Variants in PRKG1 observed in about 807,000 individuals in gnomAD.
The protein encoded by PRKG1 is cGMP-dependent protein kinase 1.
In PRKG1, 35 loss-of-function variants were observed where a neutral mutation model predicts 88.1. The ratio of observed to expected loss-of-function variants is 0.40; its 90% CI spans 0.30 to 0.53. The LOEUF is 0.53. Ranked by LOEUF, PRKG1 falls within the 20% of genes least tolerant of loss-of-function variation. The pLI is 0.59. For synonymous variants in PRKG1, 303 were observed against 292.5 expected, an observed-to-expected ratio of 1.04 and a Z score of -0.37; for missense variants, 540 against 839.8, an observed-to-expected ratio of 0.64 and a Z score of 4.41.
chr10:51,092,916 T>C (rs1844433265), intron 1 of PRKG1, among the ~76,000 whole-genome samples: 1 of 152,136 alleles, frequency 6.6e-6, no homozygotes, highest in African/African-American at 2.4e-5. Flanking sequence ...AATAACTAGG[T>C]ATAAAGCAAT....
At chr10:51,182,011 A>G (rs1837360306) in intron 2 of PRKG1, among the ~76,000 whole-genome samples, 1 of 152,200 alleles carries the variant, frequency 6.6e-6, no homozygotes, top group Non-Finnish European at 1.5e-5. Context: ...TGTAATTCCA[A>G]TCCACCTTTG....
intron 1 of PRKG1, among the ~76,000 whole-genome samples, chr10:51,088,455 A>G (rs1480873661): frequency 1.3e-5 from 2 of 151,394 alleles, no homozygotes; most frequent in African/African-American, 4.9e-5. Flanking sequence ...ATATAGGGTA[A>G]GACTATAGTA....
chr10:52,176,988 C>T (rs756787286), intron 9 of PRKG1, among the ~76,000 whole-genome samples: 2 of 152,056 alleles, frequency 1.3e-5, no homozygotes, highest in African/African-American at 2.4e-5. Flanking sequence ...TTCCTCCTTT[C>T]CAGTTTGGAT....
At chr10:52,106,091 T>A (rs921959878) in intron 7 of PRKG1, among the ~76,000 whole-genome samples, 4 of 152,106 alleles carry the variant, frequency 2.6e-5, no homozygotes, top group Non-Finnish European at 5.9e-5. Context: ...CATTCCCGAG[T>A]TACTTCACTT....
In PRKG1 at chr10:51,599,677, T is replaced by G. The variant is rs114212343; in HGVS notation, c.592+131841T>G. ...GATTAAAACCAGGAAAAATTAAGAC[T>G]TGGGGCTCCAAAGATATATTTTTAT... On this transcript the variant is annotated intron_variant, in intron 3 of 17. Coordinates refer to ENST00000373980, the MANE Select transcript of PRKG1 (RefSeq NM_006258.4). Among the ~76,000 whole-genome samples, 366 of 152,296 alleles carry G rather than the reference T, an allele frequency of 2.4e-3. 2 individuals are homozygous for G. The highest frequency in any genetic ancestry group is 8.2e-3 in the African/African-American group (342 of 41,578).
chr10:51,620,968 T>C (rs1839189554), intron 3 of PRKG1, among the ~76,000 whole-genome samples: 1 of 146,550 alleles, frequency 6.8e-6, no homozygotes. Flanking sequence ...TATGTTAAAC[T>C]GATTCCGTAT....
intron 3 of PRKG1, among the ~76,000 whole-genome samples, chr10:51,567,509 T>C (rs899737175): frequency 5.3e-5 from 8 of 152,106 alleles, no homozygotes; most frequent in Non-Finnish European, 1.0e-4. Flanking sequence ...TACATCCTTC[T>C]ACAGGAGAAT....
chr10:52,134,939 A>C (rs988984348), intron 8 of PRKG1, among the ~76,000 whole-genome samples: 2 of 152,106 alleles, frequency 1.3e-5, no homozygotes, highest in African/African-American at 2.4e-5. Context: ...TCTGGTTCCC[A>C]AAAACAATAA....
intron 8 of PRKG1, among the ~76,000 whole-genome samples, chr10:52,150,183 A>AATTATTATTATT (rs60620444): frequency 1.1e-4 from 17 of 147,994 alleles, no homozygotes; most frequent in African/African-American, 3.7e-4. Flanking sequence ...TAATAATAAT[A>AATTATTATTATT]ATTTGATTGG....
chr10:51,150,854 T>C (rs1460032657), intron 1 of PRKG1, among the ~76,000 whole-genome samples: 1 of 152,034 alleles, frequency 6.6e-6, no homozygotes, highest in Non-Finnish European at 1.5e-5. Context: ...GTTTAATCTT[T>C]TGCAATATCT....
At chr10:51,604,218 TTC>T (rs912311490) in intron 3 of PRKG1, among the ~76,000 whole-genome samples, 1 of 152,024 alleles carries the variant, frequency 6.6e-6, no homozygotes, top group African/African-American at 2.4e-5. Context: ...AGAGCTGTGG[TTC>T]TCTCAGCCTG....
At chr10:51,791,312 C>A (rs1315934657) in intron 3 of PRKG1, among the ~76,000 whole-genome samples, 1 of 152,224 alleles carries the variant, frequency 6.6e-6, no homozygotes, top group Middle Eastern at 3.4e-3. Flanking sequence ...TAGTTCTTGG[C>A]ACATAGTAAG....
At chr10:51,745,800 G>A (rs2132499897) in intron 3 of PRKG1, among the ~76,000 whole-genome samples, 1 of 152,268 alleles carries the variant, frequency 6.6e-6, no homozygotes, top group Non-Finnish European at 1.5e-5. Flanking sequence ...TTTGAGGTCA[G>A]GAGTTTGAGA....
chr10:51,806,057 G>A (rs902080675), intron 4 of PRKG1, among the ~76,000 whole-genome samples: 1 of 152,090 alleles, frequency 6.6e-6, no homozygotes, highest in Admixed American at 6.6e-5. Context: ...TACGTATGTT[G>A]TGTGTATGTG....
chr10:51,281,486 T>G (rs1273456357), intron 2 of PRKG1, among the ~76,000 whole-genome samples: 1 of 152,120 alleles, frequency 6.6e-6, no homozygotes, highest in Non-Finnish European at 1.5e-5. Flanking sequence ...CAGTCTGAGA[T>G]GGAACTGCAA....
At chr10:51,791,000 G>C (rs1181640536) in intron 3 of PRKG1, among the ~76,000 whole-genome samples, 1 of 151,998 alleles carries the variant, frequency 6.6e-6, no homozygotes, top group African/African-American at 2.4e-5. Flanking sequence ...TACTCATTTT[G>C]TCTCTAAATT....
At chr10:52,053,353 A>T (rs1589561463) in intron 5 of PRKG1, among the ~76,000 whole-genome samples, 1 of 152,220 alleles carries the variant, frequency 6.6e-6, no homozygotes, top group South Asian at 2.1e-4. Flanking sequence ...TTCAATGTCA[A>T]GTATTAATGA....
chr10:51,551,944 A>G (rs2132129720), intron 3 of PRKG1, among the ~76,000 whole-genome samples: 1 of 151,732 alleles, frequency 6.6e-6, no homozygotes, highest in East Asian at 1.9e-4. Context: ...GTATTTGAGG[A>G]CCAATTTTCT....
At chr10:51,515,384 C>T (rs1408255933) in intron 3 of PRKG1, among the ~76,000 whole-genome samples, 1 of 152,138 alleles carries the variant, frequency 6.6e-6, no homozygotes, top group Non-Finnish European at 1.5e-5. Context: ...GGGCAAAAGT[C>T]TGATGACAAG....
Sources: gnomAD v4.1 joint callset for allele counts (sites outside exome capture counted in the v4.1 genomes callset) on GRCh38, gnomAD v4.1.1 for gene constraint, MANE v1.5 for transcripts, NCBI Gene and HGNC (gene_info 2026-07-23, HGNC 2026-07-21) for gene names.